ZMAT4: variants seen among roughly 807,000 people sequenced by gnomAD.
The protein encoded by ZMAT4 is zinc finger matrin-type 4.
A neutral mutation model predicts 28.7 loss-of-function variants in ZMAT4; 17 were observed. That is an observed-to-expected ratio of 0.59 (90% CI 0.41 to 0.89). ZMAT4 has a LOEUF of 0.89. Among genes scored for constraint, ZMAT4 ranks in the 40% least tolerant of loss-of-function variants. The probability of loss-of-function intolerance (pLI) is 0.00; values close to 1 mark genes in which losing one functional copy is unlikely to be tolerated. For synonymous variants in ZMAT4, 117 were observed against 109.2 expected (o/e 1.07, Z -0.44); for missense variants, 240 against 283.8 (o/e 0.85, Z 1.11).
chr8:40,618,389 G>A (rs1585767040), intron 5 of ZMAT4, among the ~76,000 whole-genome samples: 1 of 152,050 alleles, frequency 6.6e-6, no homozygotes, highest in South Asian at 2.1e-4. Flanking sequence ...AGAGGGGCTG[G>A]GGAAACAGTG....
chr8:40,550,536 C>A (rs963728820), intron 6 of ZMAT4, among the ~76,000 whole-genome samples: 4 of 152,154 alleles, frequency 2.6e-5, no homozygotes, highest in Non-Finnish European at 5.9e-5. Context: ...AATTGTAATC[C>A]TCATATTCCC....
intron 3 of ZMAT4, among the ~76,000 whole-genome samples, chr8:40,752,480 A>C (rs1812492881): frequency 6.6e-6 from 1 of 152,156 alleles, no homozygotes. Flanking sequence ...GCTCCACGTG[A>C]AGAACCTGGA....
intron 1 of ZMAT4, among the ~76,000 whole-genome samples, chr8:40,856,131 A>G (rs1586174754): frequency 1.3e-5 from 2 of 152,306 alleles, no homozygotes; most frequent in Middle Eastern, 6.8e-3. Context: ...TGTACAATGA[A>G]GTTTAAATCA....
intron 1 of ZMAT4, among the ~76,000 whole-genome samples, chr8:40,848,194 G>A (rs966115447): frequency 6.6e-6 from 1 of 152,170 alleles, no homozygotes; most frequent in African/African-American, 2.4e-5. Flanking sequence ...TCCAATGGTG[G>A]AAAGTAATAA....
At chr8:40,575,380 G>A (rs34679624) in intron 6 of ZMAT4, among the ~76,000 whole-genome samples, 7 of 152,062 alleles carry the variant, frequency 4.6e-5, no homozygotes, top group Non-Finnish European at 1.0e-4. Context: ...TAGAGAAACA[G>A]CTTGAAAGCT....
intron 2 of ZMAT4, among the ~76,000 whole-genome samples, chr8:40,785,283 T>C (rs1040347205): frequency 3.9e-5 from 6 of 152,234 alleles, no homozygotes; most frequent in Non-Finnish European, 7.3e-5. Flanking sequence ...CTTGGCCACA[T>C]AGTTTAGCCC....
At chr8:40,544,992 CT>C (rs1375485482) in intron 6 of ZMAT4, among the ~76,000 whole-genome samples, 1 of 152,122 alleles carries the variant, frequency 6.6e-6, no homozygotes, top group African/African-American at 2.4e-5. Context: ...TTATAAAATA[CT>C]GTGTTTTCCA....
intron 2 of ZMAT4, among the ~76,000 whole-genome samples, chr8:40,805,050 C>T (rs1477918675): frequency 6.6e-6 from 1 of 150,742 alleles, no homozygotes; most frequent in Admixed American, 6.6e-5. Flanking sequence ...ACCTACTCAT[C>T]TGACAAAGGG....
chr8:40,890,778 T>G (rs1490975912), intron 1 of ZMAT4, among the ~76,000 whole-genome samples: 5 of 152,108 alleles, frequency 3.3e-5, no homozygotes, highest in Admixed American at 2.6e-4. Flanking sequence ...ATGGGCAGAT[T>G]CAGCAACATC....
chr8:40,552,431 T>A (rs1803394545), intron 6 of ZMAT4, among the ~76,000 whole-genome samples: 1 of 152,154 alleles, frequency 6.6e-6, no homozygotes, highest in South Asian at 2.1e-4. Context: ...ACTATCCAAG[T>A]CTTTATGTCC....
At chr8:40,612,974 G>T (rs559018861) in intron 5 of ZMAT4, among the ~76,000 whole-genome samples, 8 of 151,488 alleles carry the variant, frequency 5.3e-5, no homozygotes, top group Non-Finnish European at 1.2e-4. Flanking sequence ...CACCAGGGCC[G>T]GCTAATTTTT....
chr8:40,592,425 T>G (rs1286125656), intron 5 of ZMAT4, among the ~76,000 whole-genome samples: 3 of 152,208 alleles, frequency 2.0e-5, no homozygotes, highest in Non-Finnish European at 4.4e-5. Context: ...TTTAGCCTTC[T>G]GAATTCATCT....
chr8:40,662,127 C>T (rs1312838908), intron 5 of ZMAT4, among the ~76,000 whole-genome samples: 1 of 142,662 alleles, frequency 7.0e-6, no homozygotes, highest in Non-Finnish European at 1.5e-5. Context: ...CAGGTGTGCA[C>T]CACCATGCTT....
chr8:40,601,643 A>AAAGCAGGCAG (rs1805372547), intron 5 of ZMAT4, among the ~76,000 whole-genome samples: 1 of 27,394 alleles, frequency 3.7e-5, no homozygotes, highest in African/African-American at 1.1e-4. Flanking sequence ...AGAGAAAGAA[A>AAAGCAGGCAG]GAAAGAAAGA....
intron 3 of ZMAT4, among the ~76,000 whole-genome samples, chr8:40,763,317 C>T (rs1246891881): frequency 1.3e-5 from 2 of 148,352 alleles, no homozygotes; most frequent in Non-Finnish European, 3.0e-5. Flanking sequence ...TTGTTTTCTA[C>T]TTTTCCAGCC....
At chr8:40,684,879 C>A (rs538801084) in intron 4 of ZMAT4, among the ~76,000 whole-genome samples, 2 of 152,090 alleles carry the variant, frequency 1.3e-5, no homozygotes, top group Non-Finnish European at 2.9e-5. Context: ...TATAACCGCT[C>A]TTCAGCTACC....
intron 4 of ZMAT4, among the ~76,000 whole-genome samples, chr8:40,691,670 A>C (rs937296674): frequency 6.6e-6 from 1 of 152,196 alleles, no homozygotes; most frequent in Non-Finnish European, 1.5e-5. Context: ...ATGTATTTAC[A>C]TACAATAATA....
intron 4 of ZMAT4, among the ~76,000 whole-genome samples, chr8:40,680,326 G>A (rs932804875): frequency 1.3e-5 from 2 of 152,064 alleles, no homozygotes; most frequent in African/African-American, 4.8e-5. Context: ...GGGTTTCCTA[G>A]GACCTGTGGT....
At chr8:40,747,289 G>A (rs956992677) in intron 3 of ZMAT4, among the ~76,000 whole-genome samples, 2 of 152,144 alleles carry the variant, frequency 1.3e-5, no homozygotes, top group African/African-American at 2.4e-5. Flanking sequence ...ATTTATTGCA[G>A]AGGAGGAAAT....
Sources: allele counts gnomAD v4.1 joint callset (sites outside exome capture counted in the v4.1 genomes callset), GRCh38; gene constraint gnomAD v4.1.1; transcripts MANE v1.5; gene names NCBI Gene and HGNC (gene_info 2026-07-23, HGNC 2026-07-21).